TMEM132E: variants seen among roughly 807,000 people sequenced by gnomAD.
TMEM132E encodes the protein transmembrane protein 132E.
TMEM132E carries 49 observed loss-of-function variants against 78.5 expected under a neutral mutation model. The ratio of observed to expected loss-of-function variants is 0.62; its 90% confidence interval spans 0.50 to 0.79. The LOEUF (loss-of-function observed/expected upper bound fraction) is 0.79. Among genes scored for constraint, TMEM132E ranks in the 30% least tolerant of loss-of-function variants. The pLI, the probability that TMEM132E is intolerant of heterozygous loss-of-function variation, is 0.00. For missense variants in TMEM132E, 1,403 were observed against 1,470.9 expected (o/e 0.95, Z 0.75); for synonymous variants, 715 against 670.6 (o/e 1.07, Z -1.02).
At position 34,633,328 on chromosome 17, in the gene TMEM132E, G is replaced by A. The variant is rs537177951; in HGVS notation, c.1688+419G>A. Among the ~76,000 whole-genome samples, 143 of 152,382 alleles carry A rather than the reference G, an allele frequency of 9.4e-4. 1 individual carries two copies. The highest frequency in any genetic ancestry group is 3.1e-3 in the African/African-American group (130 of 41,596). ...CTGAAAGGAGTTGGCTGGGGAGACAGGTTAAGAGACTGCCTGCAGTCAGGC... is the reference window on the plus strand; with the variant it reads ...CTGAAAGGAGTTGGCTGGGGAGACAAGTTAAGAGACTGCCTGCAGTCAGGC... On this transcript the variant is annotated intron_variant, in intron 6 of 8. Transcript: ENST00000631683.
intron 6 of TMEM132E, 120 bp from the exon 7 acceptor site, chr17:34,634,679 C>T: frequency 7.9e-7 from 1 of 1,264,060 alleles, no homozygotes; most frequent in Non-Finnish European, 1.1e-6. Context: ...ATAGAGGAAG[C>T]TTGCTTTTGC....
At chr17:34,611,959 T>C (rs1227390911) in intron 1 of TMEM132E, among the ~76,000 whole-genome samples, 2 of 152,134 alleles carry the variant, frequency 1.3e-5, no homozygotes, top group Non-Finnish European at 2.9e-5. Context: ...ACTGTCCCAG[T>C]TGGCCTGGGA....
At chr17:34,612,425 G>C (rs1045199259) in intron 1 of TMEM132E, among the ~76,000 whole-genome samples, 1 of 152,136 alleles carries the variant, frequency 6.6e-6, no homozygotes, top group African/African-American at 2.4e-5. Context: ...TTTCCAGCAG[G>C]GGCCTTGGCT....
rs1030609832 is a variant in TMEM132E, at chr17:34,638,459, A to C, written c.*227A>C. 4.1e-6 allele frequency: 2 copies of C among 487,016 alleles called. No individual in the cohort carries two copies. Among genetic ancestry groups the C allele is most frequent in the African/African-American group, 4.0e-5 (2 of 50,010 alleles). The allele number at this position is 487,016 out of a possible 1,614,324, so 30.2% of individuals were successfully genotyped here. A position where few individuals can be genotyped will look rare whatever the true frequency, so the allele number is the denominator to read the frequency against. ...CCTGCAGGTGGAGGGCTCTTCCTCC[A>C]GTGGCTCGTAAGGAGGAAAGCAACC... On this transcript the variant is annotated 3_prime_UTR_variant, in exon 9 of 9. Coordinates refer to ENST00000631683, the MANE Select transcript of TMEM132E (RefSeq NM_001304438.2).
chr17:34,615,658 C>G (rs972324695), intron 1 of TMEM132E, among the ~76,000 whole-genome samples: 1 of 151,662 alleles, frequency 6.6e-6, no homozygotes, highest in African/African-American at 2.4e-5. Context: ...GTGCTAGGTG[C>G]CAGGGATTAA....
chr17:34,627,780 A>C (rs1907208169), intron 2 of TMEM132E, among the ~76,000 whole-genome samples: 1 of 152,188 alleles, frequency 6.6e-6, no homozygotes, highest in Non-Finnish European at 1.5e-5. Flanking sequence ...AGCTTCTTTA[A>C]GTATTTCCCT....
At position 34,592,614 on chromosome 17, in the gene TMEM132E, C is replaced by T. The variant is rs760301140; in HGVS notation, c.67+11471C>T. Among the ~76,000 whole-genome samples the T allele has an allele frequency of 6.6e-5, 10 of 152,206 alleles. No homozygotes were observed. In the South Asian group the frequency reaches 1.0e-3, roughly 16 times the overall value. On this transcript the variant is annotated intron_variant, in intron 1 of 8. Coordinates refer to ENST00000631683, the MANE Select transcript of TMEM132E (RefSeq NM_001304438.2). The stretch of plus-strand genomic sequence containing the variant: ...GGTAACCATACGCATATTACTCTTT[C>T]GTTTCAGTTTCTTTATGTGCAAACA...
chr17:34,595,155 G>A (rs951383868), intron 1 of TMEM132E, among the ~76,000 whole-genome samples: 11 of 152,220 alleles, frequency 7.2e-5, no homozygotes, highest in Admixed American at 1.3e-4. Context: ...GTAACATTTC[G>A]TCCAGAGCTT....
At position 34,626,450 on chromosome 17, in the gene TMEM132E, G is replaced by T. The variant is rs1239809683; in HGVS notation, c.391G>T (p.Val131Phe). The change falls in exon 2 of 9, where the codon GTC (valine) becomes TTC (phenylalanine). Residue 131 changes from valine to phenylalanine, a missense_variant. Coordinates refer to ENST00000631683, the MANE Select transcript of TMEM132E (RefSeq NM_001304438.2). ...GAACTGGAAGGTGCGGGCCTTCATC[G>T]TCCGCTCGCACGTGCCCGCCTCGCA... The part of the protein sequence containing the change: ...TVNWKVRAFI[V>F]RSHVPASQPV... 1.9e-6 allele frequency: 3 copies of T among 1,613,124 alleles called. No homozygotes were observed. Among genetic ancestry groups the T allele is most frequent in the South Asian group, 1.1e-5 (1 of 91,024 alleles).
intron 1 of TMEM132E, among the ~76,000 whole-genome samples, chr17:34,581,423 G>T (rs1382375495): frequency 6.6e-6 from 1 of 151,790 alleles, no homozygotes; most frequent in Non-Finnish European, 1.5e-5. Context: ...GTCTGGGGTC[G>T]TGTCCGCCCA....
intron 1 of TMEM132E, among the ~76,000 whole-genome samples, chr17:34,619,540 T>C (rs1407457591): frequency 1.3e-5 from 2 of 151,996 alleles, no homozygotes; most frequent in Non-Finnish European, 2.9e-5. Flanking sequence ...CACATCTACA[T>C]GGGCCAGGCA....
intron 1 of TMEM132E, among the ~76,000 whole-genome samples, chr17:34,592,059 C>T (rs1905889899): frequency 6.6e-6 from 1 of 152,236 alleles, no homozygotes; most frequent in Non-Finnish European, 1.5e-5. Flanking sequence ...ATGTTTAAGA[C>T]AGTGCCAAAG....
At chr17:34,613,551 T>C (rs1452406081) in intron 1 of TMEM132E, among the ~76,000 whole-genome samples, 1 of 151,346 alleles carries the variant, frequency 6.6e-6, no homozygotes, top group Non-Finnish European at 1.5e-5. Flanking sequence ...AGGATAGGGT[T>C]TTCTCTATTT....
At chr17:34,620,894 C>A (rs1906939358) in intron 1 of TMEM132E, among the ~76,000 whole-genome samples, 1 of 152,234 alleles carries the variant, frequency 6.6e-6, no homozygotes, top group Non-Finnish European at 1.5e-5. Flanking sequence ...GGGTCAGATA[C>A]CCTCCTGCAG....
chr17:34,632,951 G>A (rs755435085), intron 6 of TMEM132E, 42 bp downstream of exon 6: 96 of 1,607,120 alleles, frequency 6.0e-5, no homozygotes, highest in Non-Finnish European at 7.3e-5. Context: ...GAAACTCATG[G>A]GTGGATACAG....
intron 1 of TMEM132E, among the ~76,000 whole-genome samples, chr17:34,605,986 A>G (rs1906400995): frequency 6.6e-6 from 1 of 152,224 alleles, no homozygotes; most frequent in African/African-American, 2.4e-5. Flanking sequence ...GGAGAAGTAG[A>G]TTCCACCTAC....
intron 1 of TMEM132E, among the ~76,000 whole-genome samples, chr17:34,590,788 T>A (rs1905843064): frequency 6.6e-6 from 1 of 152,098 alleles, no homozygotes; most frequent in Non-Finnish European, 1.5e-5. Context: ...TGGGGAGGTG[T>A]AGAGAGTTAT....
chr17:34,599,458 A>G (rs916600410), intron 1 of TMEM132E, among the ~76,000 whole-genome samples: 12 of 152,090 alleles, frequency 7.9e-5, no homozygotes, highest in African/African-American at 2.9e-4. Context: ...CATTGATGAC[A>G]CTTGCAAACT....
At chr17:34,615,229 T>C (rs547334042) in intron 1 of TMEM132E, among the ~76,000 whole-genome samples, 5 of 150,652 alleles carry the variant, frequency 3.3e-5, no homozygotes, top group African/African-American at 1.2e-4. Context: ...GTCCTTCTAG[T>C]ACCCTCGTCC....
Sources: gnomAD v4.1 joint callset for allele counts (sites outside exome capture counted in the v4.1 genomes callset) on GRCh38, gnomAD v4.1.1 for gene constraint, MANE v1.5 for transcripts, NCBI Gene and HGNC (gene_info 2026-07-23, HGNC 2026-07-21) for gene names.